Variants in DACH2 observed in about 807,000 individuals in gnomAD.
DACH2 encodes dachshund homolog 2.
Under a neutral mutation model 35.8 loss-of-function variants are expected in DACH2, and 17 were observed. That is an observed-to-expected ratio of 0.48 (90% CI 0.33 to 0.71). The LOEUF is 0.71. Ranked by LOEUF, DACH2 falls within the 30% of genes least tolerant of loss-of-function variation. The pLI is 0.02. For synonymous variants in DACH2, 195 were observed against 177.3 expected, an observed-to-expected ratio of 1.10 and a Z score of -0.79; for missense variants, 469 against 472.7, an observed-to-expected ratio of 0.99 and a Z score of 0.07.
chrX:86,274,451 C>CTTTTTTTTTTTTTTTT (rs1160584218), intron 1 of DACH2, among the ~76,000 whole-genome samples: 1 of 31,320 alleles, frequency 3.2e-5, no homozygotes, highest in African/African-American at 1.9e-4. Flanking sequence ...ACATTAAATC[C>CTTTTTTTTTTTTTTTT]TTTTTTTTTT....
At chrX:86,572,980 T>C (rs1310226777) in intron 3 of DACH2, among the ~76,000 whole-genome samples, 1 of 111,630 alleles carries the variant, frequency 9.0e-6, no homozygotes, top group East Asian at 2.8e-4. Context: ...TCCTTATGTT[T>C]GCTAAATTTG....
intron 2 of DACH2, among the ~76,000 whole-genome samples, chrX:86,379,605 C>T (rs1018830248): frequency 3.6e-5 from 4 of 110,652 alleles, no homozygotes; most frequent in African/African-American, 1.3e-4. Context: ...GGTAAATTAA[C>T]ATTTTCACTT....
intron 1 of DACH2, among the ~76,000 whole-genome samples, chrX:86,296,901 G>A (rs1460558662): frequency 9.1e-6 from 1 of 109,474 alleles, no homozygotes; most frequent in African/African-American, 3.3e-5. Flanking sequence ...GGTAGATAGT[G>A]AACTAAGAAA....
intron 2 of DACH2, among the ~76,000 whole-genome samples, chrX:86,417,994 T>G (rs1044014836): frequency 9.0e-6 from 1 of 111,509 alleles, no homozygotes; most frequent in East Asian, 2.9e-4. Context: ...ACAAAGGGAC[T>G]CTAGGCTCCA....
intron 7 of DACH2, among the ~76,000 whole-genome samples, chrX:86,755,758 C>T (rs377473922): frequency 1.2e-4 from 13 of 108,571 alleles, no homozygotes; most frequent in East Asian, 5.8e-4. Context: ...CCACCACACC[C>T]GGCTAATTTT....
chrX:86,290,368 A>G (rs1277996816), intron 1 of DACH2, among the ~76,000 whole-genome samples: 3 of 65,450 alleles, frequency 4.6e-5, no homozygotes, highest in Admixed American at 2.1e-4. Flanking sequence ...CCCATTTTGT[A>G]GGTTGCCTGT....
intron 7 of DACH2, among the ~76,000 whole-genome samples, chrX:86,785,548 C>A (rs944691743): frequency 2.0e-4 from 22 of 111,508 alleles, no homozygotes; most frequent in African/African-American, 7.2e-4. Flanking sequence ...AGAATAGGAT[C>A]TTTGGACAGA....
intron 3 of DACH2, among the ~76,000 whole-genome samples, chrX:86,602,187 G>T (rs193132030): frequency 1.8e-5 from 2 of 111,381 alleles, no homozygotes; most frequent in East Asian, 5.7e-4. Flanking sequence ...GTTAGTAGTT[G>T]GTTTCTTTTT....
chrX:86,334,235 T>C (rs895653610), intron 1 of DACH2, among the ~76,000 whole-genome samples: 1 of 112,127 alleles, frequency 8.9e-6, no homozygotes, highest in Non-Finnish European at 1.9e-5. Context: ...TGTGTCTTTA[T>C]AGTAGAATAA....
chrX:86,456,480 A>C (rs1255388405), intron 2 of DACH2, among the ~76,000 whole-genome samples: 1 of 111,735 alleles, frequency 8.9e-6, no homozygotes, highest in Non-Finnish European at 1.9e-5. Flanking sequence ...GCAATAACAA[A>C]ATATTCCTAA....
intron 1 of DACH2, among the ~76,000 whole-genome samples, chrX:86,375,845 C>T (rs1264390975): frequency 9.1e-6 from 1 of 110,083 alleles, no homozygotes; most frequent in African/African-American, 3.3e-5. Context: ...TTTTGTTCAA[C>T]AAAAAGATTA....
intron 1 of DACH2, among the ~76,000 whole-genome samples, chrX:86,307,198 C>G (rs1317553599): frequency 1.8e-5 from 2 of 111,756 alleles, no homozygotes; most frequent in Non-Finnish European, 3.8e-5. Context: ...AGGATTCTGT[C>G]TCCTGGCTTC....
intron 4 of DACH2, among the ~76,000 whole-genome samples, chrX:86,681,361 A>G (rs1186728555): frequency 1.8e-5 from 2 of 110,960 alleles, no homozygotes; most frequent in Non-Finnish European, 3.8e-5. Flanking sequence ...TATGAGGATC[A>G]TTTGAGCCCA....
At chrX:86,678,678 GTAAA>G (rs899625798) in intron 4 of DACH2, among the ~76,000 whole-genome samples, 6 of 111,113 alleles carry the variant, frequency 5.4e-5, no homozygotes, top group South Asian at 3.7e-4. Flanking sequence ...GATGGAATGA[GTAAA>G]TAAATAAATA....
intron 3 of DACH2, among the ~76,000 whole-genome samples, chrX:86,635,372 G>T (rs2040252491): frequency 9.4e-6 from 1 of 106,247 alleles, no homozygotes; most frequent in Non-Finnish European, 1.9e-5. Flanking sequence ...TATTGAAGGA[G>T]CATACCTCAA....
At chrX:86,574,005 T>G (rs2148334240) in intron 3 of DACH2, among the ~76,000 whole-genome samples, 1 of 112,124 alleles carries the variant, frequency 8.9e-6, no homozygotes, top group South Asian at 3.7e-4. Flanking sequence ...TTGAAAAATC[T>G]TATTTTATAT....
intron 7 of DACH2, among the ~76,000 whole-genome samples, chrX:86,806,789 G>A (rs2042349079): frequency 8.9e-6 from 1 of 112,023 alleles, no homozygotes; most frequent in African/African-American, 3.2e-5. Context: ...TCCTCAACCT[G>A]TAGAAGGGGA....
chrX:86,306,147 G>A (rs759262446), intron 1 of DACH2, among the ~76,000 whole-genome samples: 34 of 111,792 alleles, frequency 3.0e-4, no homozygotes, highest in African/African-American at 3.9e-4. Context: ...CTATACTCCC[G>A]TCTCTATTCC....
Position 86,220,165 on chromosome X carries a change from CAAAAAA to C in DACH2, c.488+71078_488+71083del, listed in dbSNP as rs57964243. Among the ~76,000 whole-genome samples the C allele has an allele frequency of 1.8e-3, 91 of 50,032 alleles. 1 individual carries two copies. Among genetic ancestry groups the C allele is most frequent in the Admixed American group, 0.014 (61 of 4,480 alleles). The allele number at this position is 50,032 out of a possible 115,157, so 43.4% of individuals were successfully genotyped here. Reference sequence around the variant, plus strand: ...TGGGTGACAGAATGAGACTCCATCTCAAAAAAAAAAAAAAAAAAAAAAAAAATTTCC... The same window carrying C: ...TGGGTGACAGAATGAGACTCCATCTCAAAAAAAAAAAAAAAAAAAATTTCC... On this transcript the variant is annotated intron_variant, in intron 1 of 11. Transcript: ENST00000373125.
Sources: gnomAD v4.1 joint callset for allele counts (sites outside exome capture counted in the v4.1 genomes callset) on GRCh38, gnomAD v4.1.1 for gene constraint, MANE v1.5 for transcripts, NCBI Gene and HGNC (gene_info 2026-07-23, HGNC 2026-07-21) for gene names.